DACH2: variants seen among roughly 807,000 people sequenced by gnomAD.
The protein encoded by DACH2 is dachshund homolog 2.
Under a neutral mutation model 35.8 loss-of-function variants are expected in DACH2, and 17 were observed. The observed-to-expected ratio is 0.48, with a 90% CI of 0.33 to 0.71. DACH2 has a LOEUF of 0.71. Ranked by LOEUF, DACH2 falls within the 30% of genes least tolerant of loss-of-function variation. The probability of loss-of-function intolerance (pLI) is 0.02; values close to 1 mark genes in which losing one functional copy is unlikely to be tolerated. For missense variants in DACH2, 469 were observed against 472.7 expected, an observed-to-expected ratio of 0.99 and a Z score of 0.07; for synonymous variants, 195 against 177.3, an observed-to-expected ratio of 1.10 and a Z score of -0.79.
chrX:86,396,743 T>C (rs1037094825), intron 2 of DACH2, among the ~76,000 whole-genome samples: 1 of 111,366 alleles, frequency 9.0e-6, no homozygotes, highest in African/African-American at 3.3e-5. Context: ...GTTCCATTGG[T>C]CTATATCTCT....
chrX:86,695,003 TA>T lies in DACH2; in HGVS notation c.773-17del. 9.7e-7 allele frequency: 1 copy of T among 1,026,867 alleles called. No individual in the cohort carries two copies. The highest frequency in any genetic ancestry group is 1.9e-5 in the African/African-American group (1 of 51,703). 84.6% of individuals were successfully genotyped at this position (1,026,867 alleles called of 1,213,427 possible). ...GAAAGTTGTCAAGTTGAAATATGTT[TA>T]TATGAATATTTTTCAGGTGGAAGTG... On this transcript the variant is annotated splice_polypyrimidine_tract_variant and intron_variant, in intron 4 of 11. Coordinates refer to ENST00000373125, the MANE Select transcript of DACH2 (RefSeq NM_053281.3).
chrX:86,278,893 A>G (rs1012156919), intron 1 of DACH2, among the ~76,000 whole-genome samples: 2 of 111,711 alleles, frequency 1.8e-5, no homozygotes, highest in African/African-American at 6.5e-5. Flanking sequence ...TTGAGTAGGC[A>G]GTTTTCCCCT....
chrX:86,762,064 G>A (rs759606042), intron 7 of DACH2, among the ~76,000 whole-genome samples: 22 of 111,181 alleles, frequency 2.0e-4, no homozygotes, highest in African/African-American at 3.6e-4. Flanking sequence ...TACCAGATGC[G>A]TCCAGTCAGC....
At chrX:86,386,050 C>G (rs974367823) in intron 2 of DACH2, among the ~76,000 whole-genome samples, 3 of 111,766 alleles carry the variant, frequency 2.7e-5, no homozygotes, top group Non-Finnish European at 5.7e-5. Context: ...TAAGTTTATA[C>G]TTTACTCATA....
chrX:86,545,877 A>AGAT (rs1398028797), intron 3 of DACH2, among the ~76,000 whole-genome samples: 24 of 112,139 alleles, frequency 2.1e-4, no homozygotes, highest in African/African-American at 6.8e-4. Flanking sequence ...GAAATGGAAG[A>AGAT]GATGATAATC....
intron 1 of DACH2, among the ~76,000 whole-genome samples, chrX:86,335,927 A>G (rs897967798): frequency 1.2e-4 from 13 of 111,712 alleles, no homozygotes; most frequent in Admixed American, 3.8e-4. Flanking sequence ...CGTTCCATCA[A>G]TACCTAGTTT....
rs2038149541 is a variant in DACH2, at chrX:86,495,139, C to A, written c.528-19140C>A. On this transcript the variant is annotated intron_variant, in intron 2 of 11. Coordinates refer to ENST00000373125, the MANE Select transcript of DACH2 (RefSeq NM_053281.3). ...CTTGGCTCACTGCACCCTCCGCCTCCCAGTTTCAAGTGATTCTCCTGCCTC... is the reference window on the plus strand; with the variant it reads ...CTTGGCTCACTGCACCCTCCGCCTCACAGTTTCAAGTGATTCTCCTGCCTC... 2.7e-5 allele frequency among the ~76,000 whole-genome samples: 3 copies of A among 111,032 alleles called. No individual in the cohort carries two copies. The South Asian group carries it at 1.1e-3, about 42-fold the overall frequency.
At chrX:86,355,430 C>T (rs148291716) in intron 1 of DACH2, among the ~76,000 whole-genome samples, 1,525 of 112,143 alleles carry the variant, frequency 0.014, 23 homozygotes, top group African/African-American at 0.046. Flanking sequence ...TTTGAGAAAT[C>T]TCCAAACCGC....
At chrX:86,473,148 T>C (rs1041187865) in intron 2 of DACH2, among the ~76,000 whole-genome samples, 5 of 111,727 alleles carry the variant, frequency 4.5e-5, no homozygotes, top group African/African-American at 1.6e-4. Context: ...GCGTTTATCC[T>C]TTGTGTTAAA....
intron 3 of DACH2, among the ~76,000 whole-genome samples, chrX:86,580,141 C>G (rs980103771): frequency 9.0e-6 from 1 of 111,686 alleles, no homozygotes; most frequent in African/African-American, 3.3e-5. Flanking sequence ...CTAAAATCTT[C>G]CAGAAATGAA....
intron 3 of DACH2, among the ~76,000 whole-genome samples, chrX:86,637,051 G>T (rs1291782518): frequency 9.8e-6 from 1 of 101,603 alleles, no homozygotes; most frequent in African/African-American, 3.6e-5. Flanking sequence ...TAAAAAGTGG[G>T]CAAAGGACAT....
intron 7 of DACH2, among the ~76,000 whole-genome samples, chrX:86,804,196 T>G (rs942144367): frequency 3.6e-5 from 4 of 111,925 alleles, no homozygotes; most frequent in Non-Finnish European, 7.5e-5. Context: ...ACAGGAAATA[T>G]GATACTGGCA....
intron 5 of DACH2, among the ~76,000 whole-genome samples, chrX:86,700,867 CA>C (rs775638391): frequency 9.0e-6 from 1 of 111,106 alleles, no homozygotes; most frequent in South Asian, 3.8e-4. Flanking sequence ...AAAAGTCTAC[CA>C]AACAAGAAAA....
chrX:86,763,608 C>T (rs1294481766), intron 7 of DACH2, among the ~76,000 whole-genome samples: 2 of 111,259 alleles, frequency 1.8e-5, no homozygotes, highest in East Asian at 2.8e-4. Flanking sequence ...CTCCCGCCAC[C>T]ACGCCCGGCT....
At chrX:86,831,794 T>G in intron 11 of DACH2, 1 of 84,628 alleles carries the variant, frequency 1.2e-5, no homozygotes, top group Non-Finnish European at 2.1e-5. Flanking sequence ...AGATGCACCA[T>G]TATATACAAA....
chrX:86,501,707 A>G (rs1175022590), intron 2 of DACH2, among the ~76,000 whole-genome samples: 2 of 111,698 alleles, frequency 1.8e-5, no homozygotes, highest in Non-Finnish European at 3.8e-5. Flanking sequence ...CCTTTCATCT[A>G]AATAGAAAAC....
At chrX:86,212,905 GT>G (rs1400975297) in intron 1 of DACH2, among the ~76,000 whole-genome samples, 3 of 111,274 alleles carry the variant, frequency 2.7e-5, no homozygotes, top group Non-Finnish European at 5.7e-5. Flanking sequence ...ACAAAAGTCA[GT>G]GCCTTCCTCG....
intron 3 of DACH2, among the ~76,000 whole-genome samples, chrX:86,611,482 A>T (rs974823414): frequency 3.6e-5 from 4 of 110,733 alleles, no homozygotes; most frequent in Non-Finnish European, 5.7e-5. Flanking sequence ...CTGCACTAGG[A>T]CTTGCTTAAG....
intron 1 of DACH2, among the ~76,000 whole-genome samples, chrX:86,335,364 A>T (rs1223797454): frequency 8.9e-6 from 1 of 111,969 alleles, no homozygotes; most frequent in Non-Finnish European, 1.9e-5. Context: ...TTTTCACAAT[A>T]CTGATTCTTC....
Sources: gnomAD v4.1 joint callset for allele counts (sites outside exome capture counted in the v4.1 genomes callset) on GRCh38, gnomAD v4.1.1 for gene constraint, MANE v1.5 for transcripts, NCBI Gene and HGNC (gene_info 2026-07-23, HGNC 2026-07-21) for gene names.